OR2T12: variants seen among roughly 807,000 people sequenced by gnomAD.
OR2T12 encodes the protein olfactory receptor family 2 subfamily T member 12.
For synonymous variants in OR2T12, 127 were observed against 160.5 expected (o/e 0.79, Z 1.58); for missense variants, 335 against 404.3 (o/e 0.83, Z 1.47).
Position 248,291,917 on chromosome 1 carries a change from T to C in OR2T12, c.*2699A>G, listed in dbSNP as rs1461269351. The C allele has an allele frequency of 6.6e-6, 1 of 152,096 alleles. No individual in the cohort carries two copies. The highest frequency in any genetic ancestry group is 1.5e-5 in the Non-Finnish European group (1 of 68,006). The allele number at this position is 152,096 out of a possible 1,614,324, so 9.4% of individuals were successfully genotyped here. ...GAAACTGGACCCCTTCCTTCAACTT[T>C]ATACAAAAAATCACTCAAGATGAAG... On this transcript the variant is annotated 3_prime_UTR_variant, in exon 3 of 3. Coordinates refer to ENST00000641276, the MANE Select transcript of OR2T12 (RefSeq NM_001004692.2).
intron 1 of OR2T12, among the ~76,000 whole-genome samples, chr1:248,302,723 A>G (rs1659826815): frequency 6.6e-6 from 1 of 152,166 alleles, no homozygotes; most frequent in Admixed American, 6.5e-5. Context: ...AAATATTTGC[A>G]TATGTATAAG....
intron 2 of OR2T12, among the ~76,000 whole-genome samples, chr1:248,297,530 T>C (rs1218358866): frequency 6.6e-6 from 1 of 152,212 alleles, no homozygotes; most frequent in Non-Finnish European, 1.5e-5. Context: ...TTTATTTCAT[T>C]GAGCAGTGGT....
chr1:248,302,905 T>G (rs1196655386), intron 1 of OR2T12, among the ~76,000 whole-genome samples: 1 of 152,164 alleles, frequency 6.6e-6, no homozygotes, highest in Admixed American at 6.5e-5. Context: ...CACAGTCTCA[T>G]GTCAGTACTC....
rs149157189 is a variant in OR2T12, at chr1:248,301,765, C to T, written c.-189-212G>A. Among the ~76,000 whole-genome samples the T allele has an allele frequency of 5.0e-3, 762 of 152,112 alleles. 7 individuals are homozygous for T. Among genetic ancestry groups the T allele is most frequent in the African/African-American group, 0.017 (726 of 41,516 alleles). On this transcript the variant is annotated intron_variant, in intron 1 of 2. Coordinates refer to ENST00000641276, the MANE Select transcript of OR2T12 (RefSeq NM_001004692.2). Reference sequence around the variant, plus strand: ...TCATTTTGTAAAAAGATGGTGCATACGTTCAGTTTTTTTAAATGTCTTTTT... The same window carrying T: ...TCATTTTGTAAAAAGATGGTGCATATGTTCAGTTTTTTTAAATGTCTTTTT...
rs372017598 is a variant in OR2T12, at chr1:248,292,927, C to T, written c.*1689G>A. ...CCTGGTATGAGTAATGAAATTTCCA[C>T]GACTACATGTACTTGTGTAATTTTC... On this transcript the variant is annotated 3_prime_UTR_variant, in exon 3 of 3. Transcript: ENST00000641276. 6 of 152,180 alleles carry T rather than the reference C, an allele frequency of 3.9e-5. No individual in the cohort carries two copies. The highest frequency in any genetic ancestry group is 2.1e-4 in the South Asian group (1 of 4,828). The allele number at this position is 152,180 out of a possible 1,614,324, so 9.4% of individuals were successfully genotyped here.
chr1:248,300,067 A>C (rs954990105), intron 2 of OR2T12, among the ~76,000 whole-genome samples: 1 of 152,134 alleles, frequency 6.6e-6, no homozygotes, highest in Non-Finnish European at 1.5e-5. Context: ...GCATGTGCAC[A>C]TTGTGCACAT....
chr1:248,294,547 T>C lies in OR2T12; in HGVS notation c.*69A>G. 1 of 1,519,164 alleles carries C rather than the reference T, an allele frequency of 6.6e-7. No individual in the cohort carries two copies. The highest frequency in any genetic ancestry group is 8.8e-7 in the Non-Finnish European group (1 of 1,131,494). The allele number at this position is 1,519,164 out of a possible 1,614,324, so 94.1% of individuals were successfully genotyped here. ...ACTTAATTTTCTCTTCATGAATTACTAAAGGGAGAGAATTACATAGTGTTA... is the reference window on the plus strand; with the variant it reads ...ACTTAATTTTCTCTTCATGAATTACCAAAGGGAGAGAATTACATAGTGTTA... On this transcript the variant is annotated 3_prime_UTR_variant, in exon 3 of 3. Transcript: ENST00000641276.
In OR2T12 at chr1:248,291,869, T is replaced by C. The variant is rs1659638769; in HGVS notation, c.*2747A>G. The C allele has an allele frequency of 1.3e-5, 2 of 152,156 alleles. No individual in the cohort carries two copies. The highest frequency in any genetic ancestry group is 1.3e-4 in the Admixed American group (2 of 15,262). 9.4% of individuals were successfully genotyped at this position (152,156 alleles called of 1,614,324 possible). A position where few individuals can be genotyped will look rare whatever the true frequency, so the allele number is the denominator to read the frequency against. On this transcript the variant is annotated 3_prime_UTR_variant, in exon 3 of 3. Coordinates refer to ENST00000641276, the MANE Select transcript of OR2T12 (RefSeq NM_001004692.2). ...ATTTAATAAATGATGTTGGGAAAAC[T>C]GGCTAGCCATATGGAGAAAACTGAA...
chr1:248,300,602 C>T (rs935720339), intron 2 of OR2T12, among the ~76,000 whole-genome samples: 1 of 152,088 alleles, frequency 6.6e-6, no homozygotes, highest in Admixed American at 6.6e-5. Context: ...GAGCGGAATT[C>T]ACTTCAAGAA....
At chr1:248,297,560 G>C (rs1286810525) in intron 2 of OR2T12, among the ~76,000 whole-genome samples, 1 of 152,142 alleles carries the variant, frequency 6.6e-6, no homozygotes, top group Non-Finnish European at 1.5e-5. Flanking sequence ...TCCTTAAAGA[G>C]GTCCTTCACG....
At chr1:248,297,975 T>C (rs1166901550) in intron 2 of OR2T12, among the ~76,000 whole-genome samples, 1 of 150,964 alleles carries the variant, frequency 6.6e-6, no homozygotes, top group African/African-American at 2.5e-5. Context: ...CAGTATGATA[T>C]TGGCTGTGGG....
rs959943776 is a variant in OR2T12 at position 248,295,328 on chromosome 1, A to C, written c.251T>G (p.Leu84Trp). Residue 84 changes from leucine (L) to tryptophan (W), a missense_variant, in exon 3 of 3, where the codon TTG becomes TGG. Physicochemically the swap from Leu to Trp is moderately conservative, Grantham distance 61 (BLOSUM62 -2). Transcript: ENST00000641276. Reference protein sequence around the residue: ...TTVPKMAADYLTGNKAISRAG... With the variant: ...TTVPKMAADYWTGNKAISRAG... ...GCGGGAGATGGCCTTATTTCCGGTC[A>C]AGTAGTCAGCCGCCATTTTGGGCAC... 2.4e-5 allele frequency: 38 copies of C among 1,608,760 alleles called. No individual in the cohort carries two copies. The highest frequency in any genetic ancestry group is 2.8e-5 in the Non-Finnish European group (33 of 1,178,174).
chr1:248,295,423 C>G lies in OR2T12; in HGVS notation c.156G>C (p.Arg52=), dbSNP rs1372806189. ...GGAGGAAGTACATGGGCCTGTGGAG[C>G]CGGTGGTCCCAGTGAATCAGGAGAA... ...LMILLIHWDH[R]LHRPMYFLLS... Residue 52 remains arginine (R), a synonymous_variant, in exon 3 of 3, where the codon CGG becomes CGC. Coordinates refer to ENST00000641276, the MANE Select transcript of OR2T12 (RefSeq NM_001004692.2). 5.0e-6 allele frequency: 8 copies of G among 1,605,496 alleles called. 1 individual carries two copies. The South Asian group carries it at 8.8e-5, about 18-fold the overall frequency.
intron 2 of OR2T12, among the ~76,000 whole-genome samples, chr1:248,301,167 T>C (rs1399157342): frequency 6.6e-6 from 1 of 152,102 alleles, no homozygotes; most frequent in African/African-American, 2.4e-5. Flanking sequence ...TCACAGAGAA[T>C]GTGGCAAGAT....
intron 2 of OR2T12, 50 bp from the exon 3 acceptor site, chr1:248,295,636 G>A (rs972197299): frequency 8.5e-6 from 13 of 1,535,576 alleles, no homozygotes; most frequent in Non-Finnish European, 9.6e-6. Context: ...GGCTTTTATG[G>A]TCTGAATAAC....
At position 248,299,590 on chromosome 1, in the gene OR2T12, G is replaced by A. The variant is rs114831761; in HGVS notation, c.-9+1783C>T. 5.5e-3 allele frequency among the ~76,000 whole-genome samples: 830 copies of A among 152,206 alleles called. 4 individuals carry two copies. The highest frequency in any genetic ancestry group is 7.9e-3 in the African/African-American group (327 of 41,514). On this transcript the variant is annotated intron_variant, in intron 2 of 2. Transcript: ENST00000641276. ...AGACTCCCACACAATAATAATGGAA[G>A]ACTTCAACACCCACTGTCAACATTA... is the stretch of plus-strand genomic sequence containing the variant.
rs376910225 is a variant in OR2T12, at chr1:248,294,956, G to T, written c.623C>A (p.Pro208His). ...YICCVLMLLV[P>H]FSLILSSYGL... ...ATAGGAGGACAGGATGAGGGAAAAG[G>T]GGACCAGGAGCATTAACACACAGCA... The change falls in exon 3 of 3, where the codon CCC (proline) becomes CAC (histidine). Residue 208 changes from proline (P) to histidine (H), a missense_variant. By Grantham distance (77) the Pro-to-His change is moderately conservative. Coordinates refer to ENST00000641276, the MANE Select transcript of OR2T12 (RefSeq NM_001004692.2). 1.6e-5 allele frequency: 26 copies of T among 1,611,554 alleles called. No homozygotes were observed. The South Asian group carries it at 2.7e-4, about 17-fold the overall frequency.
In OR2T12 at chr1:248,291,552, C is replaced by G. The variant is rs1659633926; in HGVS notation, c.*3064G>C. 6.6e-6 allele frequency: 1 copy of G among 152,106 alleles called. No homozygotes were observed. The highest frequency in any genetic ancestry group is 1.5e-5 in the Non-Finnish European group (1 of 68,010). 9.4% of individuals were successfully genotyped at this position (152,106 alleles called of 1,614,324 possible). On this transcript the variant is annotated 3_prime_UTR_variant, in exon 3 of 3. Transcript: ENST00000641276. The stretch of plus-strand genomic sequence containing the variant: ...TACATTCAGTGCTATCCCCATCAAG[C>G]TACCATAGACTTTCTTCACAGAATT...
At chr1:248,297,159 G>C (rs1659740597) in intron 2 of OR2T12, among the ~76,000 whole-genome samples, 1 of 151,820 alleles carries the variant, frequency 6.6e-6, no homozygotes, top group Non-Finnish European at 1.5e-5. Flanking sequence ...AGATCAGATA[G>C]TTGTAGATAT....
Sources: gnomAD v4.1 joint callset for allele counts (sites outside exome capture counted in the v4.1 genomes callset) on GRCh38, gnomAD v4.1.1 for gene constraint, MANE v1.5 for transcripts, NCBI Gene and HGNC (gene_info 2026-07-23, HGNC 2026-07-21) for gene names.